IQGAP2: variants seen among roughly 807,000 people sequenced by gnomAD.
IQGAP2 encodes the protein IQ motif containing GTPase activating protein 2.
In IQGAP2, 173 loss-of-function variants were observed where a neutral mutation model predicts 201.3. That is an observed-to-expected ratio of 0.86 (90% CI 0.76 to 0.98). The LOEUF (loss-of-function observed/expected upper bound fraction) is 0.98, where lower values mean the gene tolerates loss of function less well. IQGAP2 is among the 50% of genes least tolerant of loss of function. The pLI is 0.00. For synonymous variants in IQGAP2, 675 were observed against 673.9 expected (o/e 1.00, Z -0.03); for missense variants, 1,687 against 1,864.8 (o/e 0.90, Z 1.76).
chr5:76,562,291 C>T (rs191640840), intron 2 of IQGAP2, 105 bp from the exon 3 acceptor site: 26 of 790,788 alleles, frequency 3.3e-5, no homozygotes, highest in Non-Finnish European at 4.9e-5. Flanking sequence ...GTTTCAGATC[C>T]TTCTTCCTTT....
At chr5:76,419,043 A>C (rs1378538085) in intron 1 of IQGAP2, among the ~76,000 whole-genome samples, 1 of 152,220 alleles carries the variant, frequency 6.6e-6, no homozygotes, top group African/African-American at 2.4e-5. Flanking sequence ...ACTCCAGGAA[A>C]GCTTTACCAA....
rs547155944 is a variant in IQGAP2, at chr5:76,644,295, C to CTTTTTTTTTTTTTTTTTTTTT, written c.2094+3194_2094+3214dup. On this transcript the variant is annotated intron_variant, in intron 17 of 35. Transcript: ENST00000274364. ...AATGAGACTGCCATTTTTGTAAATCCTTTTTTTTTTTTTTTTTTTTTTGAG... is the reference window on the plus strand; with the variant it reads ...AATGAGACTGCCATTTTTGTAAATCCTTTTTTTTTTTTTTTTTTTTTTTTTTTTTTTTTTTTTTTTTTTGAG... 4.9e-3 allele frequency among the ~76,000 whole-genome samples: 233 copies of CTTTTTTTTTTTTTTTTTTTTT among 47,728 alleles called. 48 individuals carry two copies. Among genetic ancestry groups the CTTTTTTTTTTTTTTTTTTTTT allele is most frequent in the African/African-American group, 9.4e-3 (130 of 13,838 alleles). 31.3% of individuals were successfully genotyped at this position (47,728 alleles called of 152,430 possible).
chr5:76,521,123 G>GTT (rs5868830), intron 2 of IQGAP2, among the ~76,000 whole-genome samples: 86 of 152,094 alleles, frequency 5.7e-4, no homozygotes, highest in South Asian at 1.2e-3. Flanking sequence ...TTTTTTGTTT[G>GTT]TTTTTTTACC....
intron 1 of IQGAP2, among the ~76,000 whole-genome samples, chr5:76,457,189 A>T (rs1180196624): frequency 6.6e-6 from 1 of 152,010 alleles, no homozygotes; most frequent in African/African-American, 2.4e-5. Flanking sequence ...GGGCTTCACC[A>T]TGTTGCCCAT....
chr5:76,527,601 A>G (rs1371068160), intron 2 of IQGAP2, among the ~76,000 whole-genome samples: 1 of 152,240 alleles, frequency 6.6e-6, no homozygotes, highest in East Asian at 1.9e-4. Flanking sequence ...TTATTAAAAC[A>G]CTAAGGATGA....
chr5:76,586,138 A>G (rs1746228920), intron 5 of IQGAP2, among the ~76,000 whole-genome samples: 1 of 152,154 alleles, frequency 6.6e-6, no homozygotes, highest in African/African-American at 2.4e-5. Context: ...AGGCTGTGTA[A>G]AGTAAACAGT....
At chr5:76,669,842 G>A (rs1744134142) in intron 23 of IQGAP2, among the ~76,000 whole-genome samples, 1 of 152,088 alleles carries the variant, frequency 6.6e-6, no homozygotes, top group African/African-American at 2.4e-5. Flanking sequence ...GGGGATCTGT[G>A]AAATCTTTTT....
intron 13 of IQGAP2, among the ~76,000 whole-genome samples, chr5:76,622,988 T>C (rs191516747): frequency 2.2e-4 from 34 of 152,350 alleles, no homozygotes; most frequent in African/African-American, 8.2e-4. Flanking sequence ...TGACCAGGTT[T>C]GAATAGAGTG....
intron 1 of IQGAP2, among the ~76,000 whole-genome samples, chr5:76,415,996 G>A (rs1485777864): frequency 1.3e-5 from 2 of 151,722 alleles, no homozygotes; most frequent in African/African-American, 2.4e-5. Flanking sequence ...ATCTGTAAAA[G>A]GTAGTAATGA....
At chr5:76,591,614 G>T (rs1323728409) in intron 8 of IQGAP2, among the ~76,000 whole-genome samples, 1 of 152,164 alleles carries the variant, frequency 6.6e-6, no homozygotes, top group African/African-American at 2.4e-5. Context: ...GAGATTCTCT[G>T]CTTCACTAGC....
rs1445913520 is a variant in IQGAP2 at position 76,673,448 on chromosome 5, G to T, written c.3069-1G>T. 6.2e-7 allele frequency: 1 copy of T among 1,610,868 alleles called. No homozygotes were observed. Among genetic ancestry groups the T allele is most frequent in the Non-Finnish European group, 8.5e-7 (1 of 1,178,966 alleles). On this transcript the variant is annotated splice_acceptor_variant, in intron 24 of 35. Coordinates refer to ENST00000274364, the MANE Select transcript of IQGAP2 (RefSeq NM_006633.5). LOFTEE classifies it high-confidence loss of function. ...TTAATTTAAAGCCTTTGTGTTTTCA[G>T]CAAGTTGCCTTATGATGTGACCACA... is the stretch of plus-strand genomic sequence containing the variant.
intron 1 of IQGAP2, among the ~76,000 whole-genome samples, chr5:76,434,186 T>C (rs1277773726): frequency 6.6e-6 from 1 of 152,230 alleles, no homozygotes; most frequent in Non-Finnish European, 1.5e-5. Context: ...AAGGATATAT[T>C]TAAAATTTTT....
At chr5:76,533,333 G>T (rs756497426) in intron 2 of IQGAP2, among the ~76,000 whole-genome samples, 1 of 152,058 alleles carries the variant, frequency 6.6e-6, no homozygotes, top group Non-Finnish European at 1.5e-5. Context: ...CACCGACGGG[G>T]TCTCAGGTAC....
intron 1 of IQGAP2, among the ~76,000 whole-genome samples, chr5:76,452,875 C>T (rs948073782): frequency 6.8e-5 from 10 of 147,992 alleles, no homozygotes; most frequent in Admixed American, 2.7e-4. Context: ...GTTTCCTATT[C>T]GAAAAATGTA....
chr5:76,623,756 A>G (rs1284143580), intron 13 of IQGAP2, among the ~76,000 whole-genome samples: 3 of 152,218 alleles, frequency 2.0e-5, no homozygotes, highest in Non-Finnish European at 2.9e-5. Context: ...AACACTTTAC[A>G]TAATTATAAA....
chr5:76,702,456 A>C (rs376268244), intron 34 of IQGAP2, 26 bp from the exon 35 acceptor site: 6 of 1,025,466 alleles, frequency 5.9e-6, no homozygotes, highest in Non-Finnish European at 9.3e-6. Context: ...GTAATTTCTC[A>C]TGTATGAATG....
intron 28 of IQGAP2, among the ~76,000 whole-genome samples, chr5:76,679,750 C>T (rs577565858): frequency 4.6e-5 from 7 of 152,210 alleles, no homozygotes; most frequent in South Asian, 2.1e-4. Flanking sequence ...TCATATGTAC[C>T]GCCTTTCCAG....
intron 17 of IQGAP2, among the ~76,000 whole-genome samples, chr5:76,652,092 T>A (rs977362528): frequency 7.9e-5 from 12 of 152,222 alleles, no homozygotes; most frequent in African/African-American, 2.9e-4. Flanking sequence ...GTAACAGTTA[T>A]GAATTTACTT....
At chr5:76,551,837 G>A (rs1561457101) in intron 2 of IQGAP2, among the ~76,000 whole-genome samples, 1 of 143,146 alleles carries the variant, frequency 7.0e-6, no homozygotes, top group East Asian at 2.3e-4. Context: ...ATCAGAGGGA[G>A]ACCTTGCAAA....
Sources: gnomAD v4.1 joint callset for allele counts (sites outside exome capture counted in the v4.1 genomes callset) on GRCh38, gnomAD v4.1.1 for gene constraint, MANE v1.5 for transcripts, NCBI Gene and HGNC (gene_info 2026-07-23, HGNC 2026-07-21) for gene names.